ZNF454: variants seen among roughly 807,000 people sequenced by gnomAD.
ZNF454 encodes zinc finger protein 454.
In ZNF454, 30 loss-of-function variants were observed where a neutral mutation model predicts 48.2. That is an observed-to-expected ratio of 0.62 (90% CI 0.47 to 0.84). The LOEUF (loss-of-function observed/expected upper bound fraction) is 0.84. Among genes scored for constraint, ZNF454 ranks in the 40% least tolerant of loss-of-function variants. ZNF454 has a pLI of 0.00. For missense variants in ZNF454, 510 were observed against 623.1 expected, an observed-to-expected ratio of 0.82 and a Z score of 1.93; for synonymous variants, 204 against 211.4, an observed-to-expected ratio of 0.97 and a Z score of 0.30.
chr5:178,986,221 A>T, the ZNF454 span: 1 of 1,614,156 alleles, frequency 6.2e-7, no homozygotes, highest in Non-Finnish European at 8.5e-7. Flanking sequence ...CTGCTCAAAG[A>T]TGCGGTAGAT....
intron 4 of ZNF454, among the ~76,000 whole-genome samples, chr5:178,961,996 T>C (rs1307718975): frequency 6.6e-6 from 1 of 151,752 alleles, no homozygotes; most frequent in East Asian, 2.0e-4. Flanking sequence ...CCTTCTTACA[T>C]TTTCATATTT....
At chr5:178,967,170 C>T (rs1306669103), downstream of ZNF454, among the ~76,000 whole-genome samples, 1 of 152,216 alleles carries the variant, frequency 6.6e-6, no homozygotes, top group African/African-American at 2.4e-5. Flanking sequence ...TCCAATTGTT[C>T]TGTACTTAGT....
chr5:178,968,685 C>T (rs1760200032), downstream of ZNF454: 1 of 442,320 alleles, frequency 2.3e-6, no homozygotes, highest in Non-Finnish European at 4.6e-6. Context: ...TCTGTCTTCA[C>T]CCCATCCATG....
chr5:178,955,713 C>G (rs575781634), intron 4 of ZNF454, among the ~76,000 whole-genome samples: 1 of 152,316 alleles, frequency 6.6e-6, no homozygotes, highest in South Asian at 2.1e-4. Flanking sequence ...ATTTCTCCTT[C>G]TGTTTTCTGG....
At chr5:178,976,114 G>A in the ZNF454 span, 7 of 455,492 alleles carry the variant, frequency 1.5e-5, no homozygotes, top group South Asian at 9.3e-5. Context: ...CACTCCGCCT[G>A]CAGGACCCCA....
At chr5:178,988,566 G>A in the ZNF454 span, among the ~76,000 whole-genome samples, 2 of 152,258 alleles carry the variant, frequency 1.3e-5, no homozygotes, top group Admixed American at 1.3e-4. The surrounding 1 kb of genome is among the most constrained non-coding windows in gnomAD (Gnocchi z 6.0). Flanking sequence ...CATGTCCCTG[G>A]GTAGGCGCCC....
At chr5:178,987,048 C>G in the ZNF454 span, 1 of 1,529,452 alleles carries the variant, frequency 6.5e-7, no homozygotes, top group African/African-American at 1.4e-5. Context: ...CCTGGGGAGG[C>G]CCCAGGGACC....
the ZNF454 span, among the ~76,000 whole-genome samples, chr5:178,985,467 G>A: frequency 1.3e-5 from 2 of 151,674 alleles, no homozygotes; most frequent in Non-Finnish European, 2.9e-5. Context: ...ACTTTGGGAG[G>A]CCGAGGTGGG....
the ZNF454 span, chr5:178,982,692 T>TAA: frequency 0.1 from 44,727 of 429,136 alleles, 2,119 homozygotes; most frequent in African/African-American, 0.27. Context: ...ATGAAAATGA[T>TAA]AAAAAAAAAA....
chr5:178,946,996 A>T lies in ZNF454; in HGVS notation c.250+10A>T, dbSNP rs1759364266. On this transcript the variant is annotated intron_variant, in intron 4 of 4. Transcript: ENST00000519564. This position sits in a 1 kb window ranked among gnomAD's most constrained non-coding sequence, Gnocchi z 4.5. ...GGAGGCTTCTGTCTTGGTAAGAATC[A>T]TGTGTGTGGGAGACACCGGGAGGAG... 6.2e-7 allele frequency: 1 copy of T among 1,611,890 alleles called. No individual in the cohort carries two copies.
chr5:178,982,973 G>A, the ZNF454 span: 7 of 1,614,188 alleles, frequency 4.3e-6, no homozygotes, highest in Non-Finnish European at 5.9e-6. Context: ...TGATGCAGGT[G>A]GTGTACATGG....
At chr5:178,956,337 C>A (rs1221751304) in intron 4 of ZNF454, among the ~76,000 whole-genome samples, 2 of 152,032 alleles carry the variant, frequency 1.3e-5, no homozygotes, top group African/African-American at 4.8e-5. Context: ...TTGTGAGAAG[C>A]TTTCCTCAGT....
intron 4 of ZNF454, among the ~76,000 whole-genome samples, chr5:178,950,357 C>A (rs953347363): frequency 6.6e-6 from 1 of 152,166 alleles, no homozygotes; most frequent in Non-Finnish European, 1.5e-5. Context: ...ATCCTTATAA[C>A]CTGTGAGGCA....
chr5:178,987,915 A>ACACC, the ZNF454 span, among the ~76,000 whole-genome samples: 1 of 144,108 alleles, frequency 6.9e-6, no homozygotes, highest in African/African-American at 2.5e-5. Context: ...ACCCGTCGCC[A>ACACC]TGCCCAGCTA....
the ZNF454 span, chr5:178,986,501 A>T: frequency 1.3e-5 from 21 of 1,605,242 alleles, no homozygotes; most frequent in Non-Finnish European, 1.4e-5. Context: ...GGGGCTGCCC[A>T]GGGGGAGGAC....
At chr5:178,986,663 C>T in the ZNF454 span, 16 of 1,602,864 alleles carry the variant, frequency 1.0e-5, no homozygotes, top group Non-Finnish European at 1.4e-5. Context: ...ACGCCCTTCA[C>T]CATCTTCTTC....
chr5:178,968,932 A>C (rs777079780), downstream of ZNF454: 4 of 453,768 alleles, frequency 8.8e-6, no homozygotes, highest in Non-Finnish European at 1.8e-5. Flanking sequence ...GAAGGCCCCC[A>C]TCTGAGAAGA....
the ZNF454 span, chr5:178,981,909 C>T: frequency 9.4e-7 from 1 of 1,059,490 alleles, no homozygotes; most frequent in Non-Finnish European, 1.5e-6. The surrounding 1 kb of genome is among the most constrained non-coding windows in gnomAD (Gnocchi z 5.1). Flanking sequence ...CCCTGCCCCG[C>T]TCCACACAGT....
chr5:178,984,483 G>T, the ZNF454 span, among the ~76,000 whole-genome samples: 4 of 152,184 alleles, frequency 2.6e-5, no homozygotes, highest in Admixed American at 2.0e-4. Context: ...TAGGCCAGTT[G>T]CAGGCTTGTG....
Sources: gnomAD v4.1 joint callset for allele counts (sites outside exome capture counted in the v4.1 genomes callset) on GRCh38, gnomAD v4.1.1 for gene constraint, Gnocchi (gnomAD v3.1) non-coding constraint, MANE v1.5 for transcripts, NCBI Gene and HGNC (gene_info 2026-07-23, HGNC 2026-07-21) for gene names.